Variants in CDH12 observed in about 807,000 individuals in gnomAD.
CDH12 encodes the protein cadherin 12, also known as cadherin-12.
CDH12 carries 41 observed loss-of-function variants against 74.1 expected under a neutral mutation model. The observed-to-expected ratio is 0.55, with a 90% CI of 0.43 to 0.72. The LOEUF is 0.72. Among genes scored for constraint, CDH12 ranks in the 30% least tolerant of loss-of-function variants. The pLI, the probability that CDH12 is intolerant of heterozygous loss-of-function variation, is 0.00. For synonymous variants in CDH12, 399 were observed against 355.0 expected (o/e 1.12, Z -1.39); for missense variants, 945 against 977.2 (o/e 0.97, Z 0.44).
intron 10 of CDH12, among the ~76,000 whole-genome samples, chr5:21,793,220 A>G (rs1746600376): frequency 6.6e-6 from 1 of 151,688 alleles, no homozygotes; most frequent in African/African-American, 2.4e-5. Flanking sequence ...AAACTGTACC[A>G]TTTTTTAAAC....
intron 2 of CDH12, among the ~76,000 whole-genome samples, chr5:22,499,587 C>A (rs550352356): frequency 6.6e-6 from 1 of 152,248 alleles, no homozygotes; most frequent in East Asian, 1.9e-4. Context: ...ACTTAATCCC[C>A]ATTCCAGAGG....
intron 1 of CDH12, among the ~76,000 whole-genome samples, chr5:22,720,820 A>G (rs1580925338): frequency 6.6e-6 from 1 of 152,322 alleles, no homozygotes; most frequent in Non-Finnish European, 1.5e-5. Flanking sequence ...ATGGTTTAGC[A>G]AAGAGACTGG....
chr5:22,483,289 G>A (rs1580694995), intron 2 of CDH12, among the ~76,000 whole-genome samples: 1 of 151,968 alleles, frequency 6.6e-6, no homozygotes, highest in Non-Finnish European at 1.5e-5. Flanking sequence ...AATCTACTTA[G>A]AGACACAAAT....
At chr5:22,625,549 G>C (rs1023845127) in intron 1 of CDH12, among the ~76,000 whole-genome samples, 1 of 152,112 alleles carries the variant, frequency 6.6e-6, no homozygotes, top group Non-Finnish European at 1.5e-5. Context: ...TATGGCCAGG[G>C]AGGCTCATCC....
At chr5:22,700,355 T>A (rs963818527) in intron 1 of CDH12, among the ~76,000 whole-genome samples, 5 of 152,166 alleles carry the variant, frequency 3.3e-5, no homozygotes, top group South Asian at 2.1e-4. Context: ...CACATCCTCA[T>A]CACCTATGAG....
At chr5:22,695,123 A>G (rs1408273947) in intron 1 of CDH12, among the ~76,000 whole-genome samples, 1 of 152,098 alleles carries the variant, frequency 6.6e-6, no homozygotes, top group Non-Finnish European at 1.5e-5. Flanking sequence ...GTTTGCTGAC[A>G]ATGATGGTTT....
At chr5:21,908,366 C>G (rs1054887958) in intron 6 of CDH12, among the ~76,000 whole-genome samples, 1 of 152,156 alleles carries the variant, frequency 6.6e-6, no homozygotes, top group African/African-American at 2.4e-5. Flanking sequence ...TATTCTCATG[C>G]TCTGGGTCCT....
At chr5:22,413,352 T>G (rs1377628558) in intron 2 of CDH12, among the ~76,000 whole-genome samples, 2 of 151,836 alleles carry the variant, frequency 1.3e-5, no homozygotes, top group Non-Finnish European at 1.5e-5. Context: ...CTAGAAGATT[T>G]ATAAGAAAAC....
chr5:22,238,317 A>G (rs911309491), intron 3 of CDH12, among the ~76,000 whole-genome samples: 1 of 151,414 alleles, frequency 6.6e-6, no homozygotes, highest in African/African-American at 2.4e-5. Flanking sequence ...TCTTGGAGGA[A>G]CCAGCTGGAG....
intron 3 of CDH12, among the ~76,000 whole-genome samples, chr5:22,219,185 G>T (rs1306359218): frequency 6.6e-6 from 1 of 151,642 alleles, no homozygotes; most frequent in Non-Finnish European, 1.5e-5. Flanking sequence ...GACACCGCAG[G>T]TGACAATAAA....
chr5:22,255,099 T>C (rs144814584), intron 3 of CDH12, among the ~76,000 whole-genome samples: 30 of 151,974 alleles, frequency 2.0e-4, no homozygotes, highest in African/African-American at 7.2e-4. Context: ...ATGAGTTCAA[T>C]TTTTTTGTTA....
intron 5 of CDH12, among the ~76,000 whole-genome samples, chr5:22,052,864 A>C (rs1053985529): frequency 6.6e-6 from 1 of 152,126 alleles, no homozygotes; most frequent in Non-Finnish European, 1.5e-5. Context: ...ATCAATTCCA[A>C]GAGGATTTTC....
intron 3 of CDH12, among the ~76,000 whole-genome samples, chr5:22,360,471 CG>C (rs1267141020): frequency 6.6e-6 from 1 of 152,034 alleles, no homozygotes; most frequent in African/African-American, 2.4e-5. Context: ...CAGGAACAGA[CG>C]GATTCACAGC....
At chr5:22,482,804 G>A (rs1746435580) in intron 2 of CDH12, among the ~76,000 whole-genome samples, 1 of 152,044 alleles carries the variant, frequency 6.6e-6, no homozygotes, top group Non-Finnish European at 1.5e-5. Flanking sequence ...GATTGTGTCG[G>A]GGATTTTCCC....
intron 3 of CDH12, among the ~76,000 whole-genome samples, chr5:22,386,437 CCT>C (rs1580593679): frequency 6.6e-6 from 1 of 152,170 alleles, no homozygotes; most frequent in Non-Finnish European, 1.5e-5. Flanking sequence ...GTGCTTAAAA[CCT>C]CTCTCACATT....
chr5:21,972,664 A>G (rs1200037252), intron 6 of CDH12, among the ~76,000 whole-genome samples: 1 of 152,160 alleles, frequency 6.6e-6, no homozygotes, highest in Non-Finnish European at 1.5e-5. Context: ...GAAACAGCAG[A>G]TACCACAACT....
At chr5:22,846,693 C>T (rs760350203) in intron 1 of CDH12, among the ~76,000 whole-genome samples, 66 of 152,172 alleles carry the variant, frequency 4.3e-4, no homozygotes, top group Non-Finnish European at 8.2e-4. Flanking sequence ...TGAGACAGGT[C>T]TGTGCTTTTG....
intron 1 of CDH12, among the ~76,000 whole-genome samples, chr5:22,754,121 C>T (rs922848123): frequency 2.0e-5 from 3 of 152,040 alleles, no homozygotes; most frequent in Admixed American, 1.3e-4. Context: ...AATAACCTGG[C>T]AATTATCCAT....
Position 21,896,571 on chromosome 5 carries a change from C to A in CDH12, c.527-41781G>T, listed in dbSNP as rs553759263. ...GCCTTTAAAGACTGAACTTGAGAGA[C>A]CGAGTGTTGTGTCCAATGGCTAATT... On this transcript the variant is annotated intron_variant, in intron 6 of 14. Transcript: ENST00000382254. Among the ~76,000 whole-genome samples, 19 of 152,250 alleles carry A rather than the reference C, an allele frequency of 1.2e-4. No homozygotes were observed. The South Asian group carries it at 3.9e-3, about 32-fold the overall frequency.
Sources: allele counts gnomAD v4.1 joint callset (sites outside exome capture counted in the v4.1 genomes callset), GRCh38; gene constraint gnomAD v4.1.1; transcripts MANE v1.5; gene names NCBI Gene and HGNC (gene_info 2026-07-23, HGNC 2026-07-21).